Variants in NEMP2 observed in about 807,000 individuals in gnomAD.
The protein encoded by NEMP2 is nuclear envelope integral membrane protein 2.
NEMP2 carries 53 observed loss-of-function variants against 54.2 expected under a neutral mutation model. That is an observed-to-expected ratio of 0.98 (90% confidence interval 0.78 to 1.23). The LOEUF is 1.23. NEMP2 is among the 50% of genes most tolerant of loss of function. The pLI is 0.00. For synonymous variants in NEMP2, 197 were observed against 190.3 expected (o/e 1.04, Z -0.29); for missense variants, 455 against 511.3 (o/e 0.89, Z 1.06).
chr2:190,453,513 T>A, the NEMP2 span, among the ~76,000 whole-genome samples: 3 of 152,208 alleles, frequency 2.0e-5, no homozygotes, highest in African/African-American at 7.2e-5. Flanking sequence ...GAACTCTTCA[T>A]CAAAGAAGGA....
chr2:190,450,488 CTTT>C, the NEMP2 span, among the ~76,000 whole-genome samples: 27 of 97,254 alleles, frequency 2.8e-4, 1 homozygote, highest in South Asian at 3.9e-4. Context: ...TCTCTTTTTC[CTTT>C]TTTTTTTTTT....
At chr2:190,625,011 T>C in the NEMP2 span, 1 of 152,214 alleles carries the variant, frequency 6.6e-6, no homozygotes. Flanking sequence ...TTGGTGAGAA[T>C]GCAAATGATG....
rs2125351333 is a variant in NEMP2, at chr2:190,531,484, A to G, written c.97+3075T>C. Among the ~76,000 whole-genome samples the G allele has an allele frequency of 6.6e-6, 1 of 152,354 alleles. No individual in the cohort carries two copies. Among genetic ancestry groups the G allele is most frequent in the African/African-American group, 2.4e-5 (1 of 41,572 alleles). On this transcript the variant is annotated intron_variant, in intron 1 of 8. Coordinates refer to ENST00000409150, the MANE Select transcript of NEMP2 (RefSeq NM_001142645.2). This position sits in a 1 kb window ranked among gnomAD's most constrained non-coding sequence, Gnocchi z 4.7. Reference sequence around the variant, plus strand: ...GATGCTTTCAATTAACCTGACTTCTAGAGAACAGTATATTTCTGGATAGTT... The same window carrying G: ...GATGCTTTCAATTAACCTGACTTCTGGAGAACAGTATATTTCTGGATAGTT...
the NEMP2 span, among the ~76,000 whole-genome samples, chr2:190,636,654 AC>A: frequency 6.6e-6 from 1 of 152,168 alleles, no homozygotes; most frequent in Non-Finnish European, 1.5e-5. Flanking sequence ...CAGAATATCT[AC>A]CCCAGGGGCT....
chr2:190,640,990 T>A, the NEMP2 span: 1 of 152,104 alleles, frequency 6.6e-6, no homozygotes, highest in East Asian at 1.9e-4. Context: ...TGGCTGCTGT[T>A]TCTCTGCCCC....
chr2:190,501,549 C>T (rs1257300524), downstream of NEMP2: 3 of 152,142 alleles, frequency 2.0e-5, no homozygotes, highest in Non-Finnish European at 4.4e-5. Flanking sequence ...TTTATAATAG[C>T]TGTGGATGAG....
rs1309008396 is a variant in NEMP2 at position 190,520,431 on chromosome 2, C to T, written c.214-1248G>A. Among the ~76,000 whole-genome samples, 2 of 152,114 alleles carry T rather than the reference C, an allele frequency of 1.3e-5. No homozygotes were observed. The highest frequency in any genetic ancestry group is 4.8e-5 in the African/African-American group (2 of 41,426). On this transcript the variant is annotated intron_variant, in intron 2 of 8. Transcript: ENST00000409150. This position sits in a 1 kb window ranked among gnomAD's most constrained non-coding sequence, Gnocchi z 5.4. ...CCTTTGTCTGTCCTTTTCTCTATTC[C>T]TCTTCTTTTTCTAAGAGTAGGGCAA... is the stretch of plus-strand genomic sequence containing the variant.
At chr2:190,491,819 T>C in the NEMP2 span, among the ~76,000 whole-genome samples, 1 of 152,142 alleles carries the variant, frequency 6.6e-6, no homozygotes, top group Non-Finnish European at 1.5e-5. The surrounding 1 kb of genome is among the most constrained non-coding windows in gnomAD (Gnocchi z 4.2). Flanking sequence ...AATCTCTGAC[T>C]TCCCTGAAAA....
the NEMP2 span, among the ~76,000 whole-genome samples, chr2:190,632,229 A>T: frequency 6.6e-6 from 1 of 152,196 alleles, no homozygotes; most frequent in Admixed American, 6.5e-5. The surrounding 1 kb of genome is among the most constrained non-coding windows in gnomAD (Gnocchi z 4.8). Flanking sequence ...CTGTGGAAGT[A>T]TGGTCCTGCA....
chr2:190,464,950 A>T, the NEMP2 span: 5 of 976,884 alleles, frequency 5.1e-6, no homozygotes, highest in Non-Finnish European at 6.1e-6. Context: ...ATAGTTGGTT[A>T]AATTTAGAAA....
At chr2:190,573,696 C>G in the NEMP2 span, among the ~76,000 whole-genome samples, 3 of 152,270 alleles carry the variant, frequency 2.0e-5, no homozygotes, top group African/African-American at 7.2e-5. Flanking sequence ...GAAACGTAAC[C>G]TAGCCTACCC....
the NEMP2 span, chr2:190,497,831 G>C: frequency 7.7e-7 from 1 of 1,292,928 alleles, no homozygotes; most frequent in Non-Finnish European, 1.1e-6. This position sits in a 1 kb window ranked among gnomAD's most constrained non-coding sequence, Gnocchi z 5.2. Flanking sequence ...AAGTCTGGTG[G>C]GGGAAATAGA....
the NEMP2 span, among the ~76,000 whole-genome samples, chr2:190,613,995 G>T: frequency 8.8e-6 from 1 of 114,252 alleles, no homozygotes; most frequent in Non-Finnish European, 2.2e-5. Context: ...TTCTGTTGAA[G>T]TATTTAAGCA....
the NEMP2 span, among the ~76,000 whole-genome samples, chr2:190,591,677 G>A: frequency 6.6e-6 from 1 of 152,138 alleles, no homozygotes; most frequent in African/African-American, 2.4e-5. This position sits in a 1 kb window ranked among gnomAD's most constrained non-coding sequence, Gnocchi z 5.4. Context: ...ACACACATGC[G>A]ATAGCTACTG....
chr2:190,464,192 C>A, the NEMP2 span, among the ~76,000 whole-genome samples: 1 of 152,206 alleles, frequency 6.6e-6, no homozygotes, highest in East Asian at 1.9e-4. Context: ...AGACAAGTGT[C>A]AGTCTAACGG....
At chr2:190,455,767 T>G in the NEMP2 span, among the ~76,000 whole-genome samples, 5 of 151,884 alleles carry the variant, frequency 3.3e-5, no homozygotes, top group African/African-American at 1.2e-4. Context: ...CCCTTCCTTT[T>G]TTTTTTGTGA....
the NEMP2 span, among the ~76,000 whole-genome samples, chr2:190,496,028 A>G: frequency 1.8e-4 from 27 of 152,320 alleles, no homozygotes; most frequent in East Asian, 4.8e-3. This position sits in a 1 kb window ranked among gnomAD's most constrained non-coding sequence, Gnocchi z 4.7. Flanking sequence ...GCACAGCAAA[A>G]GGAACAGTCA....
At chr2:190,564,580 C>CCCT in the NEMP2 span, among the ~76,000 whole-genome samples, 1 of 152,158 alleles carries the variant, frequency 6.6e-6, no homozygotes, top group Non-Finnish European at 1.5e-5. This position sits in a 1 kb window ranked among gnomAD's most constrained non-coding sequence, Gnocchi z 4.2. Flanking sequence ...GCTCATAGGA[C>CCCT]TTTTAAGGCA....
At chr2:190,643,342 G>A in the NEMP2 span, among the ~76,000 whole-genome samples, 1 of 152,220 alleles carries the variant, frequency 6.6e-6, no homozygotes, top group Admixed American at 6.5e-5. Flanking sequence ...GATCTTCAAG[G>A]AAGTTAAACT....
Sources: allele counts gnomAD v4.1 joint callset (sites outside exome capture counted in the v4.1 genomes callset), GRCh38; gene constraint gnomAD v4.1.1; non-coding constraint Gnocchi (gnomAD v3.1); transcripts MANE v1.5; gene names NCBI Gene and HGNC (gene_info 2026-07-23, HGNC 2026-07-21).